BTBD16: variants seen among roughly 807,000 people sequenced by gnomAD.
BTBD16 encodes BTB/POZ domain-containing protein 16.
Under a neutral mutation model 67.4 loss-of-function variants are expected in BTBD16, and 66 were observed. The observed-to-expected ratio is 0.98, with a 90% CI of 0.80 to 1.20. The LOEUF (loss-of-function observed/expected upper bound fraction) is 1.20. Among genes scored for constraint, BTBD16 ranks in the 50% most tolerant of loss-of-function variants. The probability of loss-of-function intolerance (pLI) is 0.00; values close to 1 mark genes in which losing one functional copy is unlikely to be tolerated. For synonymous variants in BTBD16, 242 were observed against 236.4 expected, an observed-to-expected ratio of 1.02 and a Z score of -0.22; for missense variants, 634 against 616.0, an observed-to-expected ratio of 1.03 and a Z score of -0.31.
At chr10:122,291,593 G>C (rs1316509224) in intron 7 of BTBD16, 1 of 158,180 alleles carries the variant, frequency 6.3e-6, no homozygotes, top group African/African-American at 2.4e-5. Context: ...CACACACACA[G>C]AAGCTGGCCA....
At chr10:122,327,637 GCATCATTGCCACTT>G in intron 10 of BTBD16, 1 of 985,404 alleles carries the variant, frequency 1.0e-6, no homozygotes, top group Non-Finnish European at 1.2e-6. Context: ...ACAAAAGTGG[GCATCATTGCCACTT>G]CCCAGAGGCC....
chr10:122,323,639 T>C (rs2096439268), intron 10 of BTBD16, among the ~76,000 whole-genome samples: 2 of 152,120 alleles, frequency 1.3e-5, no homozygotes, highest in African/African-American at 2.4e-5. Flanking sequence ...TTGAAATGAG[T>C]GGCAGTTTGG....
At chr10:122,334,389 G>A (rs1226594750) in intron 13 of BTBD16, among the ~76,000 whole-genome samples, 3 of 146,472 alleles carry the variant, frequency 2.0e-5, no homozygotes, top group East Asian at 4.1e-4. Context: ...TAGAGACGAG[G>A]TTTCACCATG....
chr10:122,304,710 T>C (rs7910843), intron 9 of BTBD16, among the ~76,000 whole-genome samples: 9,975 of 151,930 alleles, frequency 0.066, 1,123 homozygotes, highest in African/African-American at 0.23. Flanking sequence ...CCTGCCACCA[T>C]GCCCGGATAA....
chr10:122,283,208 G>C (rs528781009), intron 3 of BTBD16, among the ~76,000 whole-genome samples: 5 of 152,340 alleles, frequency 3.3e-5, no homozygotes, highest in African/African-American at 1.2e-4. Flanking sequence ...GGAGACTTTG[G>C]CAGTGACTGG....
chr10:122,295,685 T>C (rs974601490), intron 7 of BTBD16, among the ~76,000 whole-genome samples: 1 of 152,002 alleles, frequency 6.6e-6, no homozygotes, highest in Non-Finnish European at 1.5e-5. Flanking sequence ...AGATGCAGGA[T>C]TGACAGGACT....
rs140620000 is a variant in BTBD16 at position 122,329,261 on chromosome 10, G to A, written c.912-219G>A. On this transcript the variant is annotated intron_variant, in intron 10 of 15. Transcript: ENST00000260723. The stretch of plus-strand genomic sequence containing the variant: ...GTGGTAGATGCCGAGGGGACTATAA[G>A]CATTTGTCTCCATTACCATCTCTGG... Among the ~76,000 whole-genome samples the A allele has an allele frequency of 4.2e-3, 637 of 152,256 alleles. 4 individuals are homozygous for A. The highest frequency in any genetic ancestry group is 0.014 in the African/African-American group (601 of 41,538).
chr10:122,311,931 T>C (rs980376805), intron 10 of BTBD16, among the ~76,000 whole-genome samples: 3 of 152,238 alleles, frequency 2.0e-5, no homozygotes, highest in African/African-American at 7.2e-5. Flanking sequence ...CACAATAATG[T>C]ATCTGTAAAA....
At position 122,291,366 on chromosome 10, in the gene BTBD16, A is replaced by T. The variant is rs2096373784; in HGVS notation, c.590+172A>T. On this transcript the variant is annotated intron_variant, in intron 7 of 15. Coordinates refer to ENST00000260723, the MANE Select transcript of BTBD16 (RefSeq NM_144587.5). ...GGAACTGAGACACTAATTCACACTAACAGGTGAGCCATCTCTCCAGCAACA... is the reference window on the plus strand; with the variant it reads ...GGAACTGAGACACTAATTCACACTATCAGGTGAGCCATCTCTCCAGCAACA... 50 of 748,950 alleles carry T rather than the reference A, an allele frequency of 6.7e-5. No homozygotes were observed. In the South Asian group the frequency reaches 1.2e-3, roughly 18 times the overall value. The allele number at this position is 748,950 out of a possible 1,614,324, so 46.4% of individuals were successfully genotyped here.
intron 10 of BTBD16, among the ~76,000 whole-genome samples, chr10:122,319,851 T>C (rs1026373844): frequency 7.9e-5 from 12 of 152,180 alleles, no homozygotes; most frequent in African/African-American, 2.9e-4. Context: ...GATCCATGAA[T>C]ATGGTATATC....
Position 122,311,054 on chromosome 10 carries a change from G to A in BTBD16, c.911+3746G>A, listed in dbSNP as rs564714560. ...TTGAATAACTGACTTCTCCAGCAAC[G>A]ACTATACCCAAAAATAAAGACATAC... is the stretch of plus-strand genomic sequence containing the variant. On this transcript the variant is annotated intron_variant, in intron 10 of 15. Transcript: ENST00000260723. Among the ~76,000 whole-genome samples the A allele has an allele frequency of 1.6e-3, 249 of 152,212 alleles. 2 individuals are homozygous for A. The highest frequency in any genetic ancestry group is 3.1e-3 in the Non-Finnish European group (213 of 68,020).
intron 12 of BTBD16, 98 bp from the exon 13 acceptor site, chr10:122,332,338 T>G: frequency 6.0e-6 from 6 of 995,280 alleles, no homozygotes; most frequent in Non-Finnish European, 8.8e-6. Flanking sequence ...TCAAACCTGG[T>G]GAGGGGGGCA....
chr10:122,279,082 A>G (rs549413180), intron 3 of BTBD16, among the ~76,000 whole-genome samples: 2 of 152,314 alleles, frequency 1.3e-5, no homozygotes, highest in South Asian at 2.1e-4. Context: ...ATGGAGAGAA[A>G]CTTTGCAGTA....
chr10:122,303,762 C>A, intron 9 of BTBD16: 1 of 439,820 alleles, frequency 2.3e-6, no homozygotes, highest in Non-Finnish European at 3.0e-6. Flanking sequence ...ACACATGGTA[C>A]AGCCCATAGA....
chr10:122,294,418 G>A (rs1238577734), intron 7 of BTBD16, among the ~76,000 whole-genome samples: 1 of 152,252 alleles, frequency 6.6e-6, no homozygotes, highest in Non-Finnish European at 1.5e-5. Context: ...TGCAGTGTGT[G>A]TGCACACAGC....
At chr10:122,327,683 C>G (rs2096447652) in intron 10 of BTBD16, 1 of 973,060 alleles carries the variant, frequency 1.0e-6, no homozygotes, top group African/African-American at 1.8e-5. Flanking sequence ...TAAAGTCCAA[C>G]AAGCTGTCTC....
At position 122,310,702 on chromosome 10, in the gene BTBD16, T is replaced by A. The variant is rs75816870; in HGVS notation, c.911+3394T>A. Among the ~76,000 whole-genome samples the A allele has an allele frequency of 3.4e-3, 517 of 152,158 alleles. 4 individuals are homozygous for A. The highest frequency in any genetic ancestry group is 0.011 in the African/African-American group (461 of 41,460). On this transcript the variant is annotated intron_variant, in intron 10 of 15. Transcript: ENST00000260723. ...GAGCAATTTGGCCCAATTTTAAAAA[T>A]TGCAAATATTGATAAAATAACTTCA...
At chr10:122,302,559 C>T (rs1590070019) in intron 9 of BTBD16, among the ~76,000 whole-genome samples, 7 of 152,276 alleles carry the variant, frequency 4.6e-5, no homozygotes, top group Admixed American at 4.6e-4. Flanking sequence ...TCAGGAATTC[C>T]CTAAGAAGAG....
At chr10:122,275,329 A>G (rs189260972) in intron 2 of BTBD16, among the ~76,000 whole-genome samples, 30 of 152,260 alleles carry the variant, frequency 2.0e-4, no homozygotes, top group Non-Finnish European at 3.1e-4. Context: ...TGACAGCCGG[A>G]CTACATCTAG....
Sources: gnomAD v4.1 joint callset for allele counts (sites outside exome capture counted in the v4.1 genomes callset) on GRCh38, gnomAD v4.1.1 for gene constraint, MANE v1.5 for transcripts, NCBI Gene and HGNC (gene_info 2026-07-23, HGNC 2026-07-21) for gene names.